The following ADAM10 variants were observed in gnomAD, a reference collection of about 807,000 sequenced individuals.
The protein encoded by ADAM10 is ADAM metallopeptidase domain 10.
In ADAM10, 17 loss-of-function variants were observed where a neutral mutation model predicts 90.1. The observed-to-expected ratio is 0.19, with a 90% CI of 0.13 to 0.28. The LOEUF (loss-of-function observed/expected upper bound fraction) is 0.28. ADAM10 is among the 10% of genes least tolerant of loss of function. The probability of loss-of-function intolerance (pLI) is 1.00; values close to 1 mark genes in which losing one functional copy is unlikely to be tolerated. For synonymous variants in ADAM10, 310 were observed against 298.6 expected, an observed-to-expected ratio of 1.04 and a Z score of -0.40; for missense variants, 610 against 914.3, an observed-to-expected ratio of 0.67 and a Z score of 4.29.
intron 8 of ADAM10, among the ~76,000 whole-genome samples, chr15:58,639,272 A>T (rs1276947097): frequency 1.3e-5 from 2 of 152,236 alleles, no homozygotes; most frequent in Non-Finnish European, 2.9e-5. Flanking sequence ...GGTAGTGCCT[A>T]TGAACTTATA....
At chr15:58,623,171 T>A (rs2141011044) in intron 10 of ADAM10, among the ~76,000 whole-genome samples, 1 of 152,344 alleles carries the variant, frequency 6.6e-6, no homozygotes, top group South Asian at 2.1e-4. Flanking sequence ...TTCAGATAAT[T>A]ATTTCTTTAT....
At chr15:58,741,179 C>T (rs1203355015) in intron 1 of ADAM10, among the ~76,000 whole-genome samples, 3 of 152,212 alleles carry the variant, frequency 2.0e-5, no homozygotes, top group Non-Finnish European at 4.4e-5. Flanking sequence ...GCAAATTCTG[C>T]TCCACAAATC....
intron 2 of ADAM10, chr15:58,691,963 A>G: frequency 2.4e-6 from 1 of 425,398 alleles, no homozygotes; most frequent in Non-Finnish European, 4.7e-6. Flanking sequence ...GGCGTGAGCC[A>G]CCATGCCCAG....
At position 58,646,952 on chromosome 15, in the gene ADAM10, C is replaced by G. The variant is rs142858983; in HGVS notation, c.586-748G>C. Among the ~76,000 whole-genome samples, 1,476 of 152,300 alleles carry G rather than the reference C, an allele frequency of 9.7e-3. 24 individuals are homozygous for G. Among genetic ancestry groups the G allele is most frequent in the African/African-American group, 0.034 (1,393 of 41,562 alleles). The stretch of plus-strand genomic sequence containing the variant: ...TTCCAATCCTCCACACACAGTCTAT[C>G]TCCTGCCAGTCTTTGCACATGCTGA... On this transcript the variant is annotated intron_variant, in intron 5 of 15. Coordinates refer to ENST00000260408, the MANE Select transcript of ADAM10 (RefSeq NM_001110.4).
intron 5 of ADAM10, among the ~76,000 whole-genome samples, chr15:58,647,353 C>T (rs1896579021): frequency 2.1e-5 from 3 of 144,170 alleles, no homozygotes; most frequent in Admixed American, 1.4e-4. Context: ...CTCCGCCTCC[C>T]GGGTTCACGC....
At chr15:58,708,488 G>C (rs1898373309) in intron 2 of ADAM10, among the ~76,000 whole-genome samples, 1 of 151,952 alleles carries the variant, frequency 6.6e-6, no homozygotes, top group Non-Finnish European at 1.5e-5. Context: ...ACAGCAAGAA[G>C]CCCTATCTAC....
intron 9 of ADAM10, among the ~76,000 whole-genome samples, chr15:58,629,081 TAG>T (rs1394162994): frequency 5.3e-5 from 8 of 152,330 alleles, no homozygotes; most frequent in African/African-American, 9.6e-5. Flanking sequence ...TTCTCAGCAT[TAG>T]AGTTTTAGAA....
intron 1 of ADAM10, among the ~76,000 whole-genome samples, chr15:58,736,819 G>C (rs1899446028): frequency 6.6e-6 from 1 of 152,044 alleles, no homozygotes; most frequent in African/African-American, 2.4e-5. Flanking sequence ...CTACGAGATA[G>C]AGAAAACAGA....
chr15:58,655,719 A>ATATACTATATATAGTGTG lies in ADAM10; in HGVS notation c.585+9377_585+9378insCACACTATATATAGTATA, dbSNP rs1555414929. Among the ~76,000 whole-genome samples, 10 of 46,922 alleles carry ATATACTATATATAGTGTG rather than the reference A, an allele frequency of 2.1e-4. 1 individual carries two copies. In the East Asian group the frequency reaches 0.014, roughly 63 times the overall value. The allele number at this position is 46,922 out of a possible 152,430, so 30.8% of individuals were successfully genotyped here. On this transcript the variant is annotated intron_variant, in intron 5 of 15. Transcript: ENST00000260408. ...TAGTATATATATATATAGTATATAT[A>ATATACTATATATAGTGTG]TATATATATATATATATATATTCTT... is the stretch of plus-strand genomic sequence containing the variant.
intron 2 of ADAM10, among the ~76,000 whole-genome samples, chr15:58,683,978 T>A: frequency 6.6e-6 from 1 of 151,762 alleles, no homozygotes; most frequent in Non-Finnish European, 1.5e-5. Flanking sequence ...AAGTCCCTTA[T>A]ACAAAATGGT....
Position 58,749,635 on chromosome 15 carries a change from G to C in ADAM10, c.-101C>G. On this transcript the variant is annotated 5_prime_UTR_variant, in exon 1 of 16. Transcript: ENST00000260408. ...AGGGGCTTGGTCCGGAGCCTCCACG[G>C]GAAGCCGGGACCTCCCCTGGCAGGA... is the stretch of plus-strand genomic sequence containing the variant. 1.3e-6 allele frequency: 2 copies of C among 1,530,252 alleles called. No homozygotes were observed. Among genetic ancestry groups the C allele is most frequent in the Non-Finnish European group, 1.8e-6 (2 of 1,134,396 alleles). The allele number at this position is 1,530,252 out of a possible 1,614,324, so 94.8% of individuals were successfully genotyped here.
intron 5 of ADAM10, among the ~76,000 whole-genome samples, chr15:58,650,970 T>C (rs1324691145): frequency 6.6e-6 from 1 of 152,074 alleles, no homozygotes; most frequent in Non-Finnish European, 1.5e-5. Flanking sequence ...TAGTGAAATA[T>C]ATTCATCTTT....
chr15:58,627,686 G>GAAAATATAC lies in ADAM10; in HGVS notation c.1360+5_1360+13dup. ...GAAAATGTTCATAACAAAACGTTAGGAAAATATACATACCAACAAAACAGT... is the reference window on the plus strand; with the variant it reads ...GAAAATGTTCATAACAAAACGTTAGGAAAATATACAAAATATACATACCAACAAAACAGT... On this transcript the variant is annotated intron_variant, in intron 10 of 15. Coordinates refer to ENST00000260408, the MANE Select transcript of ADAM10 (RefSeq NM_001110.4). The GAAAATATAC allele has an allele frequency of 2.5e-6, 4 of 1,608,724 alleles. No individual in the cohort carries two copies. The highest frequency in any genetic ancestry group is 3.4e-6 in the Non-Finnish European group (4 of 1,175,744).
chr15:58,676,746 G>A (rs916921548), intron 4 of ADAM10, among the ~76,000 whole-genome samples: 2 of 152,076 alleles, frequency 1.3e-5, no homozygotes, highest in African/African-American at 4.8e-5. Flanking sequence ...GAGCCCAGGA[G>A]GTTGAGGCTG....
At chr15:58,669,332 A>C (rs1338572543) in intron 4 of ADAM10, among the ~76,000 whole-genome samples, 3 of 152,132 alleles carry the variant, frequency 2.0e-5, no homozygotes, top group Non-Finnish European at 2.9e-5. Context: ...ATGCCTCTCA[A>C]AGGTCAGTCA....
At chr15:58,609,690 T>C (rs1403477514) in intron 14 of ADAM10, 1 of 154,484 alleles carries the variant, frequency 6.5e-6, no homozygotes, top group Non-Finnish European at 1.4e-5. Context: ...CATGAACACT[T>C]AAGTTGAGAT....
intron 5 of ADAM10, among the ~76,000 whole-genome samples, chr15:58,662,665 G>C (rs1204327246): frequency 6.6e-6 from 1 of 152,152 alleles, no homozygotes; most frequent in African/African-American, 2.4e-5. Flanking sequence ...GTTTTTGACA[G>C]TTGTTCATTT....
intron 7 of ADAM10, among the ~76,000 whole-genome samples, 162 bp from the exon 8 acceptor site, chr15:58,641,122 C>G (rs1379487610): frequency 2.0e-5 from 3 of 152,120 alleles, no homozygotes; most frequent in African/African-American, 7.2e-5. Context: ...CATCCCTGAG[C>G]TGATCACAGA....
intron 8 of ADAM10, among the ~76,000 whole-genome samples, chr15:58,639,670 T>C (rs889798782): frequency 6.6e-6 from 1 of 152,012 alleles, no homozygotes; most frequent in Middle Eastern, 3.2e-3. Flanking sequence ...TAAAATGACA[T>C]CATGAAATTG....
Sources: gnomAD v4.1 joint callset for allele counts (sites outside exome capture counted in the v4.1 genomes callset) on GRCh38, gnomAD v4.1.1 for gene constraint, MANE v1.5 for transcripts, NCBI Gene and HGNC (gene_info 2026-07-23, HGNC 2026-07-21) for gene names.